Variants in ANKS1B observed in about 807,000 individuals in gnomAD.
ANKS1B encodes ankyrin repeat and sterile alpha motif domain-containing protein 1B.
In ANKS1B, 36 loss-of-function variants were observed where a neutral mutation model predicts 148.3. The observed-to-expected ratio is 0.24, with a 90% CI of 0.19 to 0.32. The LOEUF (loss-of-function observed/expected upper bound fraction) is 0.32. Ranked by LOEUF, ANKS1B falls within the 10% of genes least tolerant of loss-of-function variation. The probability of loss-of-function intolerance (pLI) is 1.00; values close to 1 mark genes in which losing one functional copy is unlikely to be tolerated. For synonymous variants in ANKS1B, 542 were observed against 560.8 expected (o/e 0.97, Z 0.47); for missense variants, 1,157 against 1,542.6 (o/e 0.75, Z 4.19).
chr12:99,020,535 A>G (rs1333859745), intron 17 of ANKS1B, among the ~76,000 whole-genome samples: 1 of 152,170 alleles, frequency 6.6e-6, no homozygotes, highest in African/African-American at 2.4e-5. Flanking sequence ...TAAAATTAAA[A>G]ACCTGATGAA....
At chr12:99,033,663 CAA>C (rs771304039) in intron 17 of ANKS1B, among the ~76,000 whole-genome samples, 6 of 141,246 alleles carry the variant, frequency 4.2e-5, no homozygotes, top group South Asian at 2.3e-4. Context: ...GACTCCATCT[CAA>C]AAAAAAAAAA....
chr12:99,442,684 A>G (rs2095569029), intron 11 of ANKS1B, among the ~76,000 whole-genome samples: 1 of 151,990 alleles, frequency 6.6e-6, no homozygotes, highest in Admixed American at 6.6e-5. Flanking sequence ...TTTAAGTGCC[A>G]TTTTATCAAT....
chr12:98,887,176 T>C (rs2099741961), intron 17 of ANKS1B, among the ~76,000 whole-genome samples: 1 of 152,196 alleles, frequency 6.6e-6, no homozygotes, highest in Non-Finnish European at 1.5e-5. Context: ...GAGGAGAGGA[T>C]GGGCAAAAGC....
intron 1 of ANKS1B, among the ~76,000 whole-genome samples, chr12:99,888,898 A>C (rs2092957084): frequency 3.3e-5 from 5 of 151,874 alleles, no homozygotes; most frequent in Non-Finnish European, 7.4e-5. Flanking sequence ...CAGTGGTTTC[A>C]GCAGGGAGTA....
intron 11 of ANKS1B, among the ~76,000 whole-genome samples, chr12:99,441,525 G>C (rs1385287646): frequency 6.6e-6 from 1 of 151,928 alleles, no homozygotes; most frequent in Non-Finnish European, 1.5e-5. Flanking sequence ...GTGGAAGAAA[G>C]AGTAGCCTAA....
Position 99,053,185 on chromosome 12 carries a change from T to C in ANKS1B, c.2750A>G (p.Lys917Arg). Residue 917 changes from lysine to arginine, a missense_variant, in exon 17 of 27, where the codon AAA (lysine) becomes AGA (arginine). Around this residue, in one of 6 missense-constraint regions of ANKS1B, gnomAD observed 258 missense variants for 497.0 expected, o/e 0.52. Transcript: ENST00000683438. ...INGYTSMDLL[K>R]KIWEVELINV... ...AATAAGTTCAACCTCCCAGATTTTT[T>C]TCAACAGGTCCATCGAAGTGTAGCC... The C allele has an allele frequency of 6.2e-7, 1 of 1,609,158 alleles. No individual in the cohort carries two copies. The highest frequency in any genetic ancestry group is 1.1e-5 in the South Asian group (1 of 89,790).
intron 1 of ANKS1B, among the ~76,000 whole-genome samples, chr12:99,854,033 C>T (rs534575214): frequency 1.2e-4 from 18 of 152,220 alleles, no homozygotes; most frequent in Non-Finnish European, 2.1e-4. Flanking sequence ...TGTTTTGAGA[C>T]GGAGTCTCGC....
rs1009939887 is a variant in ANKS1B, at chr12:99,660,206, T to A, written c.1129-4996A>T. ...TAATGAAAAATTATACATGAAAGAG[T>A]GAAGCTTTCCTAGCCTCGGTCCCAC... On this transcript the variant is annotated intron_variant, in intron 8 of 26. Transcript: ENST00000683438. 2.4e-4 allele frequency among the ~76,000 whole-genome samples: 36 copies of A among 152,226 alleles called. 1 individual carries two copies. The highest frequency in any genetic ancestry group is 8.4e-4 in the African/African-American group (35 of 41,528).
intron 10 of ANKS1B, among the ~76,000 whole-genome samples, chr12:99,452,004 T>A (rs535078924): frequency 1.7e-3 from 264 of 152,232 alleles, no homozygotes; most frequent in African/African-American, 6.2e-3. Flanking sequence ...ATTTAATAAA[T>A]CCTAATCTAA....
At chr12:99,202,501 A>G (rs2082184559) in intron 14 of ANKS1B, among the ~76,000 whole-genome samples, 1 of 152,222 alleles carries the variant, frequency 6.6e-6, no homozygotes, top group Admixed American at 6.5e-5. Flanking sequence ...CAGTTAGTTT[A>G]CTGTTGCTTT....
chr12:99,648,267 A>C, intron 9 of ANKS1B: 5 of 1,614,210 alleles, frequency 3.1e-6, no homozygotes, highest in Non-Finnish European at 4.2e-6. Context: ...TGCAGCGGCA[A>C]CTGTACAAAG....
chr12:99,417,515 T>C (rs1409863794), intron 11 of ANKS1B, among the ~76,000 whole-genome samples: 3 of 152,232 alleles, frequency 2.0e-5, no homozygotes, highest in Admixed American at 2.0e-4. Context: ...TCTTTCGATT[T>C]TTTTTTAGTT....
chr12:99,446,348 C>A (rs1459125391), intron 10 of ANKS1B, among the ~76,000 whole-genome samples: 1 of 151,986 alleles, frequency 6.6e-6, no homozygotes, highest in African/African-American at 2.4e-5. Context: ...ATTCTGTAGG[C>A]AATGAGAAAT....
In ANKS1B at chr12:99,265,651, T is replaced by C. The variant is rs2076374968; in HGVS notation, c.1757-18787A>G. On this transcript the variant is annotated intron_variant, in intron 12 of 26. Transcript: ENST00000683438. ...AGCTGCTAGGAGTTAACTGGGGCAG[T>C]GTCCTCATTCTTCGCTTCTCACAGT... Among the ~76,000 whole-genome samples, 3 of 152,158 alleles carry C rather than the reference T, an allele frequency of 2.0e-5. No individual in the cohort carries two copies. The South Asian group carries it at 6.2e-4, about 32-fold the overall frequency.
chr12:99,968,564 TCAATC>T (rs1277351973), intron 1 of ANKS1B, among the ~76,000 whole-genome samples: 1 of 95,282 alleles, frequency 1.0e-5, no homozygotes, highest in African/African-American at 4.5e-5. Flanking sequence ...TCTCAATCAA[TCAATC>T]AATCAATCAA....
rs369118783 is a variant in ANKS1B at position 99,812,221 on chromosome 12, T to C, written c.306A>G (p.Lys102=). The C allele has an allele frequency of 3.4e-5, 55 of 1,612,050 alleles. No homozygotes were observed. Among genetic ancestry groups the C allele is most frequent in the Non-Finnish European group, 4.6e-5 (54 of 1,178,706 alleles). The change falls in exon 3 of 27, where the codon AAA becomes AAG. Residue 102 remains lysine (K), a synonymous_variant. Transcript: ENST00000683438. ...GYFPIHLAAW[K]GDVEIVKILI... The stretch of plus-strand genomic sequence containing the variant: ...GAATCTTCACAATTTCCACATCTCC[T>C]TTCCAGGCAGCCAGGTGAATAGGAA...
chr12:98,937,427 C>T (rs947891656), intron 17 of ANKS1B, among the ~76,000 whole-genome samples: 3 of 151,960 alleles, frequency 2.0e-5, no homozygotes, highest in Non-Finnish European at 2.9e-5. Context: ...CATTTCCTCC[C>T]CCATTGCTTC....
chr12:99,845,612 A>T (rs2086535652), intron 1 of ANKS1B, among the ~76,000 whole-genome samples: 1 of 152,132 alleles, frequency 6.6e-6, no homozygotes, highest in South Asian at 2.1e-4. Flanking sequence ...GTGCTGCTGG[A>T]TTCAGTTTTC....
chr12:99,750,945 A>G (rs1400444305), intron 8 of ANKS1B, among the ~76,000 whole-genome samples: 2 of 152,062 alleles, frequency 1.3e-5, no homozygotes, highest in Non-Finnish European at 2.9e-5. Flanking sequence ...CTTAACTAAT[A>G]TAGCTTATGA....
Sources: allele counts gnomAD v4.1 joint callset (sites outside exome capture counted in the v4.1 genomes callset), GRCh38; gene constraint gnomAD v4.1.1; regional missense constraint gnomAD v4.1.1; transcripts MANE v1.5; gene names NCBI Gene and HGNC (gene_info 2026-07-23, HGNC 2026-07-21).